Variants in ADAMTSL1 observed in about 807,000 individuals in gnomAD.
ADAMTSL1 encodes ADAMTS like 1.
Under a neutral mutation model 201.8 loss-of-function variants are expected in ADAMTSL1, and 126 were observed. That is an observed-to-expected ratio of 0.62 (90% CI 0.54 to 0.72). The LOEUF is 0.72. ADAMTSL1 is among the 30% of genes least tolerant of loss of function. The pLI, the probability that ADAMTSL1 is intolerant of heterozygous loss-of-function variation, is 0.00. For missense variants in ADAMTSL1, 2,679 were observed against 2,277.8 expected (o/e 1.18, Z -3.59); for synonymous variants, 1,121 against 903.4 (o/e 1.24, Z -4.32).
intron 1 of ADAMTSL1, among the ~76,000 whole-genome samples, chr9:18,066,015 GAA>G (rs1161775111): frequency 1.4e-5 from 1 of 70,282 alleles, no homozygotes; most frequent in Admixed American, 1.4e-4. Flanking sequence ...AAAAAAAAAA[GAA>G]TGGCACCACC....
At chr9:18,306,778 T>C (rs189796178) in intron 2 of ADAMTSL1, among the ~76,000 whole-genome samples, 32 of 152,270 alleles carry the variant, frequency 2.1e-4, no homozygotes, top group Admixed American at 5.9e-4. Context: ...CTTCAGTATA[T>C]TATCCAGGAG....
At chr9:18,603,371 CTAT>C (rs2132551221) in intron 4 of ADAMTSL1, among the ~76,000 whole-genome samples, 1 of 151,390 alleles carries the variant, frequency 6.6e-6, no homozygotes, top group African/African-American at 2.4e-5. Context: ...CTATGCTATG[CTAT>C]GCTATGCTAT....
At position 18,749,661 on chromosome 9, in the gene ADAMTSL1, GC is replaced by G. The variant is rs1819350506; in HGVS notation, c.2007-3632del. ...ACAGAACGCACGGAATAGGGCATCA[GC>G]CCCCAGCAAGACCCAGGCCCACACT... On this transcript the variant is annotated intron_variant, in intron 15 of 28. Coordinates refer to ENST00000380548, the MANE Select transcript of ADAMTSL1 (RefSeq NM_001040272.6). Among the ~76,000 whole-genome samples the G allele has an allele frequency of 4.6e-5, 7 of 152,330 alleles. 1 individual carries two copies. The highest frequency in any genetic ancestry group is 1.7e-4 in the African/African-American group (7 of 41,576).
intron 1 of ADAMTSL1, among the ~76,000 whole-genome samples, chr9:18,018,494 A>G (rs1820349865): frequency 6.6e-6 from 1 of 152,072 alleles, no homozygotes; most frequent in Admixed American, 6.6e-5. Flanking sequence ...GAATGTCACC[A>G]AGATTAGATT....
intron 2 of ADAMTSL1, among the ~76,000 whole-genome samples, chr9:18,269,735 G>A (rs185513999): frequency 6.6e-6 from 1 of 152,040 alleles, no homozygotes; most frequent in Non-Finnish European, 1.5e-5. Context: ...AGTTTTGTTT[G>A]GGTGATATTC....
chr9:18,545,214 T>C (rs567334909), intron 3 of ADAMTSL1, among the ~76,000 whole-genome samples: 22 of 152,262 alleles, frequency 1.4e-4, no homozygotes, highest in African/African-American at 5.3e-4. Flanking sequence ...TTCTCACCAC[T>C]ACCTTGAAAA....
intron 2 of ADAMTSL1, among the ~76,000 whole-genome samples, chr9:18,385,653 G>A (rs1837762406): frequency 6.6e-6 from 1 of 152,104 alleles, no homozygotes; most frequent in Non-Finnish European, 1.5e-5. Context: ...TGAATATTCA[G>A]TTTTAACTTC....
intron 4 of ADAMTSL1, among the ~76,000 whole-genome samples, chr9:18,610,307 G>T (rs150551927): frequency 2.0e-5 from 3 of 152,016 alleles, no homozygotes; most frequent in South Asian, 2.1e-4. Flanking sequence ...GGCTTTTTCC[G>T]CTGGGAAAGA....
At chr9:17,967,927 G>A (rs1289829701) in intron 1 of ADAMTSL1, among the ~76,000 whole-genome samples, 1 of 152,122 alleles carries the variant, frequency 6.6e-6, no homozygotes, top group African/African-American at 2.4e-5. Flanking sequence ...TAGACAGGGT[G>A]TGTAACTTGC....
intron 2 of ADAMTSL1, among the ~76,000 whole-genome samples, chr9:18,334,755 G>C (rs987568913): frequency 4.6e-5 from 7 of 152,002 alleles, no homozygotes; most frequent in Non-Finnish European, 8.8e-5. Context: ...AAACCAAATA[G>C]AATAAAGACT....
intron 1 of ADAMTSL1, among the ~76,000 whole-genome samples, chr9:18,482,966 C>T (rs1821804556): frequency 6.6e-6 from 1 of 152,108 alleles, no homozygotes; most frequent in South Asian, 2.1e-4. Flanking sequence ...TGTAACTGGT[C>T]TGAGATAACA....
At chr9:18,224,692 A>C (rs1830381426) in intron 2 of ADAMTSL1, among the ~76,000 whole-genome samples, 1 of 152,136 alleles carries the variant, frequency 6.6e-6, no homozygotes, top group Non-Finnish European at 1.5e-5. Flanking sequence ...ACAGGTAGCC[A>C]TTCCTCTAAT....
intron 1 of ADAMTSL1, among the ~76,000 whole-genome samples, chr9:17,954,358 A>G (rs914695529): frequency 1.3e-5 from 2 of 152,222 alleles, no homozygotes; most frequent in Non-Finnish European, 2.9e-5. Context: ...AAAGAATTAG[A>G]AGCCATCTCA....
chr9:18,784,407 A>G (rs1463668543), intron 19 of ADAMTSL1, among the ~76,000 whole-genome samples: 3 of 152,346 alleles, frequency 2.0e-5, no homozygotes, highest in East Asian at 3.9e-4. Flanking sequence ...AAAGGAATGA[A>G]TAGTTGGATG....
At chr9:18,029,116 C>T (rs1820821331) in intron 1 of ADAMTSL1, among the ~76,000 whole-genome samples, 1 of 152,052 alleles carries the variant, frequency 6.6e-6, no homozygotes, top group African/African-American at 2.4e-5. Flanking sequence ...GATTTTATAT[C>T]CTGAGACTTT....
intron 1 of ADAMTSL1, among the ~76,000 whole-genome samples, chr9:18,053,712 A>G (rs796673833): frequency 3.7e-4 from 57 of 152,306 alleles, no homozygotes; most frequent in African/African-American, 1.2e-3. Context: ...TTCTTTGAAT[A>G]AATATTTACT....
rs1824663131 is a variant in ADAMTSL1, at chr9:18,601,611, A to G, written c.475-20632A>G. Among the ~76,000 whole-genome samples the G allele has an allele frequency of 1.3e-5, 2 of 152,226 alleles. 1 individual carries two copies. The highest frequency in any genetic ancestry group is 4.1e-4 in the South Asian group (2 of 4,834). On this transcript the variant is annotated intron_variant, in intron 4 of 28. Coordinates refer to ENST00000380548, the MANE Select transcript of ADAMTSL1 (RefSeq NM_001040272.6). ...GGATGCTATAAGTGACCATGGGCAT[A>G]GTGCCAGGTCTGTAATTATTTTTGT... is the stretch of plus-strand genomic sequence containing the variant.
intron 4 of ADAMTSL1, among the ~76,000 whole-genome samples, chr9:18,594,181 AT>A (rs1824107869): frequency 6.6e-6 from 1 of 151,470 alleles, no homozygotes; most frequent in Non-Finnish European, 1.5e-5. Context: ...TTCTGAGCGT[AT>A]TTTCCCACTC....
Position 18,848,830 on chromosome 9 carries a change from A to G in ADAMTSL1, c.4249+18853A>G, listed in dbSNP as rs186679685. Reference sequence around the variant, plus strand: ...ATAGACCATAAGTAAATGAATGGGTATGTCTGTGTTCCAGAAAACTTTATT... The same window carrying G: ...ATAGACCATAAGTAAATGAATGGGTGTGTCTGTGTTCCAGAAAACTTTATT... On this transcript the variant is annotated intron_variant, in intron 23 of 28. Coordinates refer to ENST00000380548, the MANE Select transcript of ADAMTSL1 (RefSeq NM_001040272.6). Among the ~76,000 whole-genome samples, 7 of 152,362 alleles carry G rather than the reference A, an allele frequency of 4.6e-5. No individual in the cohort carries two copies. The East Asian group carries it at 1.3e-3, about 29-fold the overall frequency.
Sources: gnomAD v4.1 joint callset for allele counts (sites outside exome capture counted in the v4.1 genomes callset) on GRCh38, gnomAD v4.1.1 for gene constraint, MANE v1.5 for transcripts, NCBI Gene and HGNC (gene_info 2026-07-23, HGNC 2026-07-21) for gene names.